ESRRB: variants seen among roughly 807,000 people sequenced by gnomAD.
The protein encoded by ESRRB is steroid hormone receptor ERR2.
In ESRRB, 16 loss-of-function variants were observed where a neutral mutation model predicts 46.0. The ratio of observed to expected loss-of-function variants is 0.35; its 90% CI spans 0.24 to 0.53. The LOEUF (loss-of-function observed/expected upper bound fraction) is 0.53, where lower values mean the gene tolerates loss of function less well. Among genes scored for constraint, ESRRB ranks in the 20% least tolerant of loss-of-function variants. The pLI is 0.93. For synonymous variants in ESRRB, 246 were observed against 259.6 expected, an observed-to-expected ratio of 0.95 and a Z score of 0.50; for missense variants, 488 against 607.4, an observed-to-expected ratio of 0.80 and a Z score of 2.07.
intron 6 of ESRRB, chr14:76,495,672 T>G (rs1890399476): frequency 6.6e-6 from 1 of 151,900 alleles, no homozygotes; most frequent in African/African-American, 2.4e-5. Context: ...GTACCTGTGA[T>G]GAAGGACCCA....
intron 1 of ESRRB, among the ~76,000 whole-genome samples, chr14:76,344,154 G>T (rs1396448448): frequency 6.6e-6 from 1 of 152,246 alleles, no homozygotes; most frequent in Non-Finnish European, 1.5e-5. Context: ...ACCTCAGAGG[G>T]TGATTGTGAG....
chr14:76,431,093 C>T (rs1455347211), intron 1 of ESRRB, among the ~76,000 whole-genome samples: 1 of 152,104 alleles, frequency 6.6e-6, no homozygotes, highest in Non-Finnish European at 1.5e-5. Context: ...GTCAGGAGTT[C>T]GATACCAGCC....
chr14:76,375,767 C>T (rs1027999261), upstream of ESRRB, among the ~76,000 whole-genome samples: 1 of 152,160 alleles, frequency 6.6e-6, no homozygotes, highest in Non-Finnish European at 1.5e-5. Flanking sequence ...CAGATCCATT[C>T]CAGAAAGGCT....
At chr14:76,360,255 G>T (rs1884446931) in intron 1 of ESRRB, among the ~76,000 whole-genome samples, 1 of 152,102 alleles carries the variant, frequency 6.6e-6, no homozygotes. Flanking sequence ...TCCTGTGTGG[G>T]CACATCCTGG....
chr14:76,326,551 A>T (rs1455047789), intron 1 of ESRRB, among the ~76,000 whole-genome samples: 9 of 152,186 alleles, frequency 5.9e-5, no homozygotes, highest in Non-Finnish European at 1.2e-4. Context: ...TCTGGTAGCT[A>T]AAGTTCATGG....
chr14:76,385,297 C>T (rs1284482312), intron 1 of ESRRB, among the ~76,000 whole-genome samples: 1 of 152,028 alleles, frequency 6.6e-6, no homozygotes, highest in African/African-American at 2.4e-5. Flanking sequence ...TCATTCCACC[C>T]CCAAGGAATG....
chr14:76,348,790 C>T (rs61979368), intron 1 of ESRRB, among the ~76,000 whole-genome samples: 27,657 of 152,114 alleles, frequency 0.18, 3,160 homozygotes, highest in Non-Finnish European at 0.25. Context: ...GCTTTGGGGA[C>T]ACTGCGCATA....
chr14:76,425,487 G>A (rs1366564548), intron 1 of ESRRB, among the ~76,000 whole-genome samples: 2 of 152,076 alleles, frequency 1.3e-5, no homozygotes, highest in South Asian at 2.1e-4. Flanking sequence ...CCCTGGCTGT[G>A]TGGGGGTTCT....
At chr14:76,453,905 G>A (rs1171859574) in intron 2 of ESRRB, among the ~76,000 whole-genome samples, 1 of 152,128 alleles carries the variant, frequency 6.6e-6, no homozygotes, top group African/African-American at 2.4e-5. Context: ...AGCCTAATCG[G>A]TGGATTCTTT....
At chr14:76,330,998 G>C (rs535622328) in intron 1 of ESRRB, among the ~76,000 whole-genome samples, 1 of 152,280 alleles carries the variant, frequency 6.6e-6, no homozygotes, top group South Asian at 2.1e-4. Flanking sequence ...GATGGGGTCA[G>C]TTAGGTAAGC....
At chr14:76,333,018 TA>T (rs1884058278) in intron 1 of ESRRB, among the ~76,000 whole-genome samples, 1 of 15,898 alleles carries the variant, frequency 6.3e-5, no homozygotes, top group Non-Finnish European at 1.1e-4. Context: ...TATATTTATA[TA>T]TTATATATTA....
chr14:76,359,777 G>T (rs1884441199), intron 1 of ESRRB, among the ~76,000 whole-genome samples: 2 of 152,186 alleles, frequency 1.3e-5, no homozygotes, highest in South Asian at 2.1e-4. Context: ...TTCTCGGAAG[G>T]TAAGCATGAG....
upstream of ESRRB, chr14:76,371,218 T>G (rs1298682078): frequency 6.6e-6 from 1 of 152,198 alleles, no homozygotes; most frequent in Non-Finnish European, 1.5e-5. Context: ...AAACTCACAT[T>G]GTATTAGCGT....
intron 1 of ESRRB, among the ~76,000 whole-genome samples, chr14:76,341,084 C>T (rs1002889117): frequency 6.6e-6 from 1 of 152,188 alleles, no homozygotes; most frequent in African/African-American, 2.4e-5. Context: ...CAAGCCCCCT[C>T]TAATCTGTGT....
At chr14:76,374,315 CTG>C (rs1244801908), upstream of ESRRB, among the ~76,000 whole-genome samples, 1 of 152,176 alleles carries the variant, frequency 6.6e-6, no homozygotes, top group Non-Finnish European at 1.5e-5. Context: ...CAATTGCAAA[CTG>C]TGATAAACTA....
At chr14:76,491,929 C>T (rs548896087) in intron 6 of ESRRB, among the ~76,000 whole-genome samples, 2 of 152,336 alleles carry the variant, frequency 1.3e-5, no homozygotes, top group African/African-American at 4.8e-5. Context: ...TTTCCTAAGC[C>T]TCAGACATCC....
chr14:76,439,230 C>A, intron 1 of ESRRB, 111 bp from the exon 2 acceptor site: 1 of 1,260,074 alleles, frequency 7.9e-7, no homozygotes, highest in Non-Finnish European at 1.2e-6. Flanking sequence ...TGTTTTATCG[C>A]ACCAAAGCCT....
chr14:76,419,531 G>C (rs192785796), intron 1 of ESRRB, among the ~76,000 whole-genome samples: 21 of 152,224 alleles, frequency 1.4e-4, no homozygotes, highest in African/African-American at 5.1e-4. Context: ...ATGAACTTGG[G>C]GTTCCTTCTC....
At chr14:76,483,633 CTG>C (rs1376445772) in intron 5 of ESRRB, among the ~76,000 whole-genome samples, 1 of 152,172 alleles carries the variant, frequency 6.6e-6, no homozygotes, top group African/African-American at 2.4e-5. Context: ...GGGCCTTTCT[CTG>C]TGCAATTTAT....
Sources: allele counts gnomAD v4.1 joint callset (sites outside exome capture counted in the v4.1 genomes callset), GRCh38; gene constraint gnomAD v4.1.1; transcripts MANE v1.5; gene names NCBI Gene and HGNC (gene_info 2026-07-23, HGNC 2026-07-21).